The following RTN1 variants were observed in gnomAD, a reference collection of about 807,000 sequenced individuals.
RTN1 encodes reticulon 1.
In RTN1, 25 loss-of-function variants were observed where a neutral mutation model predicts 65.5. That is an observed-to-expected ratio of 0.38 (90% confidence interval 0.28 to 0.53). The LOEUF is 0.53. RTN1 is among the 20% of genes least tolerant of loss of function. The probability of loss-of-function intolerance (pLI) is 0.79; values close to 1 mark genes in which losing one functional copy is unlikely to be tolerated. For missense variants in RTN1, 983 were observed against 1,025.4 expected, an observed-to-expected ratio of 0.96 and a Z score of 0.57; for synonymous variants, 471 against 447.6, an observed-to-expected ratio of 1.05 and a Z score of -0.66.
At chr14:59,707,836 T>C (rs1013082254) in intron 3 of RTN1, among the ~76,000 whole-genome samples, 4 of 151,822 alleles carry the variant, frequency 2.6e-5, no homozygotes, top group Non-Finnish European at 4.4e-5. Context: ...AACAGCCTCA[T>C]CCAGTATTCA....
chr14:59,673,656 A>G (rs1181741586), intron 3 of RTN1, among the ~76,000 whole-genome samples: 2 of 152,128 alleles, frequency 1.3e-5, no homozygotes, highest in Admixed American at 6.5e-5. Flanking sequence ...TGGAAAAAGC[A>G]CCATTTGACT....
chr14:59,601,678 C>T (rs1046246292), intron 8 of RTN1, among the ~76,000 whole-genome samples: 2 of 152,138 alleles, frequency 1.3e-5, no homozygotes, highest in Admixed American at 6.6e-5. Flanking sequence ...TTTCCAAACT[C>T]CTATTCTGGT....
chr14:59,865,219 T>C (rs1445378603), intron 1 of RTN1, among the ~76,000 whole-genome samples: 5 of 152,160 alleles, frequency 3.3e-5, no homozygotes, highest in African/African-American at 7.2e-5. Context: ...GTGTCAAATA[T>C]ATTGGTTTAT....
intron 3 of RTN1, among the ~76,000 whole-genome samples, chr14:59,609,644 C>T (rs1470345912): frequency 1.3e-5 from 2 of 152,182 alleles, no homozygotes; most frequent in Non-Finnish European, 2.9e-5. Flanking sequence ...GGCTAAAGGT[C>T]TAAAGCCAAG....
At chr14:59,798,182 G>C (rs1159579027) in intron 1 of RTN1, among the ~76,000 whole-genome samples, 1 of 152,132 alleles carries the variant, frequency 6.6e-6, no homozygotes, top group Non-Finnish European at 1.5e-5. Flanking sequence ...TCTCTCCAAT[G>C]AGGTCAAGTG....
At chr14:59,755,600 G>T (rs1885622043) in intron 1 of RTN1, among the ~76,000 whole-genome samples, 1 of 152,146 alleles carries the variant, frequency 6.6e-6, no homozygotes, top group Admixed American at 6.6e-5. Context: ...GAAATCAGCA[G>T]GCCCACAGTC....
At chr14:59,630,316 C>A (rs1004922548) in intron 3 of RTN1, 6 of 1,095,542 alleles carry the variant, frequency 5.5e-6, no homozygotes, top group Non-Finnish European at 8.0e-6. Flanking sequence ...AGGTTTACTA[C>A]CCCCCAACAC....
chr14:59,762,028 G>A (rs142865277), intron 1 of RTN1, among the ~76,000 whole-genome samples: 8 of 152,282 alleles, frequency 5.3e-5, no homozygotes, highest in African/African-American at 1.9e-4. Flanking sequence ...GTGTGGTATG[G>A]CATGCCGTGG....
intron 3 of RTN1, among the ~76,000 whole-genome samples, chr14:59,659,091 C>T (rs1190513088): frequency 6.6e-6 from 1 of 150,746 alleles, no homozygotes; most frequent in Non-Finnish European, 1.5e-5. Context: ...GAAGCATACA[C>T]AAGTATCAAT....
chr14:59,869,836 C>T (rs1407947967), intron 1 of RTN1, among the ~76,000 whole-genome samples: 2 of 152,048 alleles, frequency 1.3e-5, no homozygotes, highest in Admixed American at 1.3e-4. Context: ...GGAGAAAAGG[C>T]GGAGGGATGT....
intron 3 of RTN1, among the ~76,000 whole-genome samples, chr14:59,656,543 G>C (rs1004552507): frequency 4.6e-5 from 7 of 152,198 alleles, no homozygotes; most frequent in Admixed American, 6.5e-5. Context: ...TAATGGAACA[G>C]AATCGACAAT....
intron 3 of RTN1, among the ~76,000 whole-genome samples, chr14:59,700,920 T>C (rs956076678): frequency 4.0e-5 from 6 of 151,882 alleles, no homozygotes; most frequent in Admixed American, 6.6e-5. Context: ...ATCAAGAAAG[T>C]GAAAACACAA....
At chr14:59,789,451 G>C (rs530633504) in intron 1 of RTN1, among the ~76,000 whole-genome samples, 145 of 152,110 alleles carry the variant, frequency 9.5e-4, no homozygotes, top group African/African-American at 3.3e-3. Context: ...AAATGATTAG[G>C]TGTTTTTATC....
In RTN1 at chr14:59,796,500, A is replaced by G. The variant is rs558620605; in HGVS notation, c.242-50019T>C. Reference sequence around the variant, plus strand: ...GAAAATACCCCTACTTCTTTGCAAGAATATAGGACTTTGATAATATATTGG... The same window carrying G: ...GAAAATACCCCTACTTCTTTGCAAGGATATAGGACTTTGATAATATATTGG... On this transcript the variant is annotated intron_variant, in intron 1 of 8. Coordinates refer to ENST00000267484, the MANE Select transcript of RTN1 (RefSeq NM_021136.3). Among the ~76,000 whole-genome samples the G allele has an allele frequency of 2.0e-5, 3 of 152,322 alleles. No individual in the cohort carries two copies. In the South Asian group the frequency reaches 6.2e-4, roughly 32 times the overall value.
intron 2 of RTN1, among the ~76,000 whole-genome samples, chr14:59,729,110 TGA>T (rs965061725): frequency 1.3e-5 from 2 of 152,012 alleles, no homozygotes; most frequent in Non-Finnish European, 2.9e-5. Context: ...TTGAAGCAGG[TGA>T]GAGAGTGACT....
At chr14:59,776,092 T>C (rs74061305) in intron 1 of RTN1, among the ~76,000 whole-genome samples, 2,103 of 152,250 alleles carry the variant, frequency 0.014, 51 homozygotes, top group African/African-American at 0.047. Flanking sequence ...GCCTATTGTA[T>C]CTTTGAGAAT....
At chr14:59,604,317 G>A (rs1881675069) in intron 5 of RTN1, 2 of 160,728 alleles carry the variant, frequency 1.2e-5, no homozygotes, top group South Asian at 3.5e-4. Context: ...AGTCTTATGG[G>A]CACACAGTCA....
chr14:59,840,734 T>C (rs572355193), intron 1 of RTN1, among the ~76,000 whole-genome samples: 1 of 152,308 alleles, frequency 6.6e-6, no homozygotes, highest in African/African-American at 2.4e-5. Context: ...TGGGGAACCT[T>C]AGCAATAATA....
chr14:59,613,343 G>A (rs988142147), intron 3 of RTN1, among the ~76,000 whole-genome samples: 6 of 152,206 alleles, frequency 3.9e-5, no homozygotes, highest in Admixed American at 1.3e-4. Context: ...CTGTCGCCCA[G>A]TCTGGAGTGC....
Sources: gnomAD v4.1 joint callset for allele counts (sites outside exome capture counted in the v4.1 genomes callset) on GRCh38, gnomAD v4.1.1 for gene constraint, MANE v1.5 for transcripts, NCBI Gene and HGNC (gene_info 2026-07-23, HGNC 2026-07-21) for gene names.